The following OR10G8 variants were observed in gnomAD, a reference collection of about 807,000 sequenced individuals.
OR10G8 encodes olfactory receptor family 10 subfamily G member 8, also known as olfactory receptor 10G8.
For missense variants in OR10G8, 386 were observed against 384.9 expected (o/e 1.00, Z -0.02); for synonymous variants, 173 against 163.2 (o/e 1.06, Z -0.46).
intron 1 of OR10G8, among the ~76,000 whole-genome samples, chr11:124,029,275 C>A (rs1168733571): frequency 6.6e-6 from 1 of 152,092 alleles, no homozygotes; most frequent in Non-Finnish European, 1.5e-5. Context: ...ACAGAGGGCC[C>A]AGCTGACCTG....
chr11:124,029,405 T>C (rs907645478), intron 1 of OR10G8, among the ~76,000 whole-genome samples, 191 bp from the exon 2 acceptor site: 4 of 152,196 alleles, frequency 2.6e-5, no homozygotes, highest in Non-Finnish European at 4.4e-5. Context: ...CGCATATGTC[T>C]CTGTGTGTGT....
At chr11:124,029,562 A>G (rs1251975187) in intron 1 of OR10G8, 34 bp from the exon 2 acceptor site, 82 of 1,523,008 alleles carry the variant, frequency 5.4e-5, no homozygotes, top group Admixed American at 1.5e-4. Context: ...TTCTCAATTA[A>G]GTGCTAAATG....
intron 1 of OR10G8, among the ~76,000 whole-genome samples, chr11:124,029,374 T>G (rs1421570174): frequency 6.6e-6 from 1 of 152,134 alleles, no homozygotes; most frequent in African/African-American, 2.4e-5. Context: ...TCTAAGACAA[T>G]GCGTTTCTCC....
intron 1 of OR10G8, among the ~76,000 whole-genome samples, chr11:124,028,948 C>T (rs1385067248): frequency 2.0e-5 from 3 of 152,062 alleles, no homozygotes; most frequent in Middle Eastern, 3.4e-3. Flanking sequence ...ATATCACCCC[C>T]GTGACTGCAT....
intron 1 of OR10G8, among the ~76,000 whole-genome samples, chr11:124,028,947 C>T (rs1864129117): frequency 2.0e-5 from 3 of 151,998 alleles, no homozygotes; most frequent in Non-Finnish European, 2.9e-5. Flanking sequence ...AATATCACCC[C>T]CGTGACTGCA....
At chr11:124,026,981 T>A (rs1453640) in intron 1 of OR10G8, 114 bp downstream of exon 1, 108,330 of 152,064 alleles carry the variant, frequency 0.71, 39,125 homozygotes, top group Admixed American at 0.8. Context: ...CTTATGAAGA[T>A]CCTTTCATTG....
Position 124,030,418 on chromosome 11 carries a change from G to A in OR10G8, c.796G>A (p.Ala266Thr), listed in dbSNP as rs763972917. The change falls in exon 2 of 2, where the codon GCT (alanine) becomes ACT (threonine). Residue 266 changes from alanine to threonine, a missense_variant. By Grantham distance (58) the Ala-to-Thr change is moderately conservative. Transcript: ENST00000641224. ...TTACCTGAGGCCAGGCTCCAGGAAA[G>A]CTGTGGATGGAGTTGTGGCCGTTTT... ...FIYLRPGSRK[A>T]VDGVVAVFYT... 9 of 1,614,216 alleles carry A rather than the reference G, an allele frequency of 5.6e-6. No homozygotes were observed. In the South Asian group the frequency reaches 7.7e-5, roughly 14 times the overall value.
rs149018663 is a variant in OR10G8 at position 124,029,717 on chromosome 11, T to C, written c.95T>C (p.Val32Ala). Residue 32 changes from valine to alanine, a missense_variant, in exon 2 of 2, where the codon GTT becomes GCT. By Grantham distance (64) the Val-to-Ala change is moderately conservative (BLOSUM62 0). Transcript: ENST00000641224. ...DAPLFGVFLV[V>A]YVLTVLGNLL... ...CCCCTCTTTGGAGTCTTCCTGGTGG[T>C]TTACGTGCTCACTGTGCTGGGGAAC... is the stretch of plus-strand genomic sequence containing the variant. 2 of 1,613,960 alleles carry C rather than the reference T, an allele frequency of 1.2e-6. No homozygotes were observed. Among genetic ancestry groups the C allele is most frequent in the African/African-American group, 2.7e-5 (2 of 75,048 alleles).
chr11:124,028,551 G>A (rs1331824677), intron 1 of OR10G8, among the ~76,000 whole-genome samples: 2 of 152,202 alleles, frequency 1.3e-5, no homozygotes, highest in Non-Finnish European at 2.9e-5. Flanking sequence ...TGGAAATTCT[G>A]TAATACTGCT....
At chr11:124,029,440 GA>G in intron 1 of OR10G8, 155 bp from the exon 2 acceptor site, 1 of 684,822 alleles carries the variant, frequency 1.5e-6, no homozygotes, top group African/African-American at 1.8e-5. Context: ...GAAAGACTAG[GA>G]AATCACTTCA....
Position 124,029,770 on chromosome 11 carries a change from G to C in OR10G8, c.148G>C (p.Asp50His). The C allele has an allele frequency of 6.2e-7, 1 of 1,613,982 alleles. No individual in the cohort carries two copies. Among genetic ancestry groups the C allele is most frequent in the Non-Finnish European group, 8.5e-7 (1 of 1,179,920 alleles). ...NLLILLVIRV[D>H]SHLHTTMYYF... is the part of the protein sequence containing the mutation. Reference sequence around the variant, plus strand: ...CCTCATCCTGCTGGTGATCAGGGTGGATTCTCACCTCCACACCACCATGTA... The same window carrying C: ...CCTCATCCTGCTGGTGATCAGGGTGCATTCTCACCTCCACACCACCATGTA... Residue 50 changes from aspartate to histidine, a missense_variant, in exon 2 of 2, where the codon GAT becomes CAT. By Grantham distance (81) the Asp-to-His change is moderately conservative (BLOSUM62 -1). Transcript: ENST00000641224.
chr11:124,028,030 A>G (rs1864121134), intron 1 of OR10G8, among the ~76,000 whole-genome samples: 1 of 152,086 alleles, frequency 6.6e-6, no homozygotes, highest in Admixed American at 6.5e-5. Flanking sequence ...ATTAAGAGAG[A>G]GACTTGATGG....
chr11:124,028,064 T>C (rs1049663282), intron 1 of OR10G8, among the ~76,000 whole-genome samples: 10 of 152,162 alleles, frequency 6.6e-5, no homozygotes, highest in Non-Finnish European at 1.5e-4. Context: ...GTGAGATCAT[T>C]CATTACCTGG....
chr11:124,028,213 G>C (rs554701046), intron 1 of OR10G8, among the ~76,000 whole-genome samples: 1 of 152,292 alleles, frequency 6.6e-6, no homozygotes, highest in South Asian at 2.1e-4. Flanking sequence ...GATTGTGTTT[G>C]GGAGAGCACA....
chr11:124,028,659 G>T (rs1864126337), intron 1 of OR10G8, among the ~76,000 whole-genome samples: 1 of 152,132 alleles, frequency 6.6e-6, no homozygotes, highest in Admixed American at 6.5e-5. Context: ...CTTATTTAAT[G>T]CTTATAACTT....
chr11:124,029,868 T>C lies in OR10G8; in HGVS notation c.246T>C (p.Thr82=), dbSNP rs780660335. The change falls in exon 2 of 2, where the codon ACT becomes ACC. Residue 82 remains threonine (T), a synonymous_variant. Transcript: ENST00000641224. ...TCACGGTGCCCAAATTGCTGATGAC[T>C]TTGGTGTTCCCAAGTGGCAGGGCTA... The part of the protein sequence containing the change: ...STVTVPKLLM[T]LVFPSGRAIS... 9 of 1,614,016 alleles carry C rather than the reference T, an allele frequency of 5.6e-6. No homozygotes were observed. Among genetic ancestry groups the C allele is most frequent in the African/African-American group, 1.3e-5 (1 of 74,896 alleles).
chr11:124,028,787 G>GTTT (rs140020370), intron 1 of OR10G8, among the ~76,000 whole-genome samples: 6 of 151,280 alleles, frequency 4.0e-5, no homozygotes, highest in East Asian at 2.0e-4. Context: ...AATTCTTGGT[G>GTTT]TTTTTTTTTA....
chr11:124,028,607 A>G (rs1487819426), intron 1 of OR10G8, among the ~76,000 whole-genome samples: 1 of 152,232 alleles, frequency 6.6e-6, no homozygotes, highest in Non-Finnish European at 1.5e-5. Context: ...TTGAGCAGTT[A>G]CTACCTGCCA....
intron 1 of OR10G8, among the ~76,000 whole-genome samples, chr11:124,027,619 T>C (rs1046516017): frequency 9.9e-5 from 15 of 152,216 alleles, no homozygotes; most frequent in Non-Finnish European, 2.9e-5. Flanking sequence ...CCTGGTGCAG[T>C]AGAAATTTCA....
Sources: allele counts gnomAD v4.1 joint callset (sites outside exome capture counted in the v4.1 genomes callset), GRCh38; gene constraint gnomAD v4.1.1; transcripts MANE v1.5; gene names NCBI Gene and HGNC (gene_info 2026-07-23, HGNC 2026-07-21).